The following TYW1 variants were observed in gnomAD, a reference collection of about 807,000 sequenced individuals.
TYW1 encodes S-adenosyl-L-methionine-dependent tRNA 4-demethylwyosine synthase TYW1.
In TYW1, 46 loss-of-function variants were observed where a neutral mutation model predicts 96.2. The observed-to-expected ratio is 0.48, with a 90% CI of 0.38 to 0.61. The LOEUF is 0.61. TYW1 is among the 20% of genes least tolerant of loss of function. The pLI, the probability that TYW1 is intolerant of heterozygous loss-of-function variation, is 0.00. For synonymous variants in TYW1, 274 were observed against 323.0 expected, an observed-to-expected ratio of 0.85 and a Z score of 1.63; for missense variants, 684 against 909.6, an observed-to-expected ratio of 0.75 and a Z score of 3.19.
At chr7:67,214,970 A>G (rs1737325344) in intron 15 of TYW1, among the ~76,000 whole-genome samples, 1 of 150,492 alleles carries the variant, frequency 6.6e-6, no homozygotes, top group Admixed American at 6.6e-5. Flanking sequence ...CCTTTCTTGT[A>G]GTATCTTTAT....
At chr7:67,193,845 T>C (rs1478623562) in intron 14 of TYW1, among the ~76,000 whole-genome samples, 2 of 136,552 alleles carry the variant, frequency 1.5e-5, no homozygotes, top group African/African-American at 3.0e-5. Flanking sequence ...TATGTATTTG[T>C]GTGTGTTTGT....
chr7:67,143,181 T>C (rs1798503344), intron 13 of TYW1, among the ~76,000 whole-genome samples: 1 of 152,194 alleles, frequency 6.6e-6, no homozygotes, highest in Admixed American at 6.5e-5. Context: ...TCTTGCTTTG[T>C]GCGTAGTATA....
chr7:66,997,522 C>T (rs562420322), intron 1 of TYW1, among the ~76,000 whole-genome samples: 2 of 152,172 alleles, frequency 1.3e-5, no homozygotes, highest in Non-Finnish European at 2.9e-5. Flanking sequence ...ATGCTCATTT[C>T]GAAGTGAAGA....
At chr7:67,045,151 T>G (rs1274857880) in intron 7 of TYW1, among the ~76,000 whole-genome samples, 1 of 152,162 alleles carries the variant, frequency 6.6e-6, no homozygotes, top group Non-Finnish European at 1.5e-5. Flanking sequence ...TGGGTGGTAC[T>G]GTGGTTTCTG....
At chr7:67,195,093 T>G in intron 14 of TYW1, 77 bp from the exon 15 acceptor site, 1 of 1,540,166 alleles carries the variant, frequency 6.5e-7, no homozygotes, top group Non-Finnish European at 8.8e-7. Context: ...CAAGAAGGTT[T>G]TCCGGCTCTG....
At chr7:67,110,232 G>C (rs1338508473) in intron 12 of TYW1, among the ~76,000 whole-genome samples, 3 of 152,154 alleles carry the variant, frequency 2.0e-5, no homozygotes, top group Admixed American at 6.5e-5. Flanking sequence ...GATGTCATAG[G>C]GGACTTTGAA....
chr7:67,142,587 C>T (rs1472978577), intron 13 of TYW1, among the ~76,000 whole-genome samples: 1 of 152,014 alleles, frequency 6.6e-6, no homozygotes, highest in Non-Finnish European at 1.5e-5. Flanking sequence ...AGCCACCATG[C>T]CACCATGCCT....
intron 4 of TYW1, among the ~76,000 whole-genome samples, chr7:67,010,718 G>A (rs1430144367): frequency 6.6e-5 from 10 of 151,822 alleles, no homozygotes; most frequent in Admixed American, 6.6e-5. Flanking sequence ...CTTGTGATCC[G>A]CCTGCCTCGG....
chr7:67,032,869 C>A lies in TYW1; in HGVS notation c.984+7847C>A, dbSNP rs117789029. Among the ~76,000 whole-genome samples, 293 of 141,230 alleles carry A rather than the reference C, an allele frequency of 2.1e-3. 7 individuals carry two copies. The East Asian group carries it at 0.058, about 28-fold the overall frequency. 92.7% of individuals were successfully genotyped at this position (141,230 alleles called of 152,430 possible). A position where few individuals can be genotyped will look rare whatever the true frequency, so the allele number is the denominator to read the frequency against. ...CTTCTTTTTTGAGCCCATTTTCCAG[C>A]AGCAGAGAAGTATACCTTTTTTTTT... is the stretch of plus-strand genomic sequence containing the variant. On this transcript the variant is annotated intron_variant, in intron 7 of 15. Coordinates refer to ENST00000359626, the MANE Select transcript of TYW1 (RefSeq NM_018264.4).
intron 15 of TYW1, among the ~76,000 whole-genome samples, chr7:67,209,186 A>G (rs1044940925): frequency 2.6e-5 from 4 of 152,186 alleles, no homozygotes; most frequent in Admixed American, 2.6e-4. Flanking sequence ...TCCCACTCAC[A>G]TTCAGGTAAA....
rs528528607 is a variant in TYW1, at chr7:67,103,761, T to C, written c.1562+5043T>C. On this transcript the variant is annotated intron_variant, in intron 12 of 15. Coordinates refer to ENST00000359626, the MANE Select transcript of TYW1 (RefSeq NM_018264.4). ...AGGCCATGTATTTTGGAAGTTTCCT[T>C]TAATGTTGATAATGCTAATTTTATA... is the stretch of plus-strand genomic sequence containing the variant. Among the ~76,000 whole-genome samples, 81 of 152,316 alleles carry C rather than the reference T, an allele frequency of 5.3e-4. No individual in the cohort carries two copies. In the Middle Eastern group the frequency reaches 0.01, roughly 19 times the overall value.
intron 9 of TYW1, chr7:67,067,033 AG>A (rs1795888708): frequency 2.0e-6 from 1 of 490,044 alleles, no homozygotes; most frequent in Non-Finnish European, 3.7e-6. Flanking sequence ...TGAAAATGAA[AG>A]CATTAGTGGT....
At chr7:67,134,933 C>T (rs1170250648) in intron 13 of TYW1, among the ~76,000 whole-genome samples, 1 of 137,436 alleles carries the variant, frequency 7.3e-6, no homozygotes, top group Admixed American at 7.6e-5. Flanking sequence ...TATAGCAAGA[C>T]CCTTTCTCTA....
chr7:67,151,799 C>A (rs1798808096), intron 13 of TYW1, among the ~76,000 whole-genome samples: 1 of 119,126 alleles, frequency 8.4e-6, no homozygotes, highest in African/African-American at 3.6e-5. Flanking sequence ...GCTGCTGCTG[C>A]TTTTTTTGTT....
rs754465387 is a variant in TYW1, at chr7:67,067,385, A to C, written c.1256A>C (p.Lys419Thr). Residue 419 changes from lysine (K) to threonine (T), a missense_variant, in exon 10 of 16, where the codon AAA becomes ACA. By Grantham distance (78) the Lys-to-Thr change is moderately conservative. Coordinates refer to ENST00000359626, the MANE Select transcript of TYW1 (RefSeq NM_018264.4). ...ETTPSLACAN[K>T]CVFCWRHHTN... ...ACCCCGAGCTTGGCGTGTGCTAATA[A>C]ATGTGTCTTCTGTTGGCGGTAAGTA... 1.9e-6 allele frequency: 3 copies of C among 1,613,810 alleles called. No homozygotes were observed. Among genetic ancestry groups the C allele is most frequent in the Non-Finnish European group, 1.7e-6 (2 of 1,179,852 alleles).
At chr7:67,204,609 TTGA>T (rs1323509435) in intron 15 of TYW1, among the ~76,000 whole-genome samples, 1 of 151,410 alleles carries the variant, frequency 6.6e-6, no homozygotes, top group Non-Finnish European at 1.5e-5. Flanking sequence ...CTTTTTTTTT[TTGA>T]GAGAGAGAAT....
At chr7:67,051,769 C>T (rs775227430) in intron 8 of TYW1, among the ~76,000 whole-genome samples, 15 of 147,396 alleles carry the variant, frequency 1.0e-4, no homozygotes, top group South Asian at 6.4e-4. Flanking sequence ...TTACCTGTGG[C>T]GACTCCAAGG....
chr7:67,069,374 C>T (rs79708546), intron 10 of TYW1, among the ~76,000 whole-genome samples: 13,714 of 152,156 alleles, frequency 0.09, 823 homozygotes, highest in East Asian at 0.3. Flanking sequence ...TGCCCATTAA[C>T]ATAGATTTAT....
At chr7:67,017,255 T>C (rs1208554002) in intron 5 of TYW1, among the ~76,000 whole-genome samples, 1 of 152,160 alleles carries the variant, frequency 6.6e-6, no homozygotes, top group Non-Finnish European at 1.5e-5. Context: ...AGTGCTGGGA[T>C]TACAGACATG....
Sources: gnomAD v4.1 joint callset for allele counts (sites outside exome capture counted in the v4.1 genomes callset) on GRCh38, gnomAD v4.1.1 for gene constraint, MANE v1.5 for transcripts, NCBI Gene and HGNC (gene_info 2026-07-23, HGNC 2026-07-21) for gene names.